Variants in OSBPL6 observed in about 807,000 individuals in gnomAD.
OSBPL6 encodes oxysterol-binding protein-related protein 6.
A neutral mutation model predicts 125.8 loss-of-function variants in OSBPL6; 49 were observed. The observed-to-expected ratio is 0.39, with a 90% CI of 0.31 to 0.49. OSBPL6 has a LOEUF of 0.49. OSBPL6 is among the 20% of genes least tolerant of loss of function. OSBPL6 has a pLI of 0.88. For synonymous variants in OSBPL6, 394 were observed against 391.8 expected (o/e 1.01, Z -0.07); for missense variants, 986 against 1,135.4 (o/e 0.87, Z 1.89).
intron 3 of OSBPL6, among the ~76,000 whole-genome samples, chr2:178,316,399 A>G (rs1415882910): frequency 6.6e-6 from 1 of 152,260 alleles, no homozygotes. Context: ...TAAAAAAATT[A>G]GAAACAGTCT....
At chr2:178,394,170 G>T in intron 23 of OSBPL6, 143 bp from the exon 24 acceptor site, 3 of 1,029,862 alleles carry the variant, frequency 2.9e-6, no homozygotes, top group South Asian at 2.9e-5. Flanking sequence ...CTGCACTCCA[G>T]CCTGGCGACA....
chr2:178,277,475 A>G (rs1428217586), intron 1 of OSBPL6, among the ~76,000 whole-genome samples: 7 of 152,204 alleles, frequency 4.6e-5, no homozygotes, highest in Admixed American at 4.6e-4. Flanking sequence ...CACTTTCCCT[A>G]CCCTCAGAGA....
In OSBPL6 at chr2:178,276,624, C is replaced by T. The variant is rs920590035; in HGVS notation, c.-350-8303C>T. On this transcript the variant is annotated intron_variant, in intron 1 of 24. Coordinates refer to ENST00000190611, the MANE Select transcript of OSBPL6 (RefSeq NM_032523.4). ...CTGACCTCAAGTGATCCATCCACGT[C>T]GGCCTCCCAAAGTGCTGGGATTACA... is the stretch of plus-strand genomic sequence containing the variant. 7.2e-5 allele frequency among the ~76,000 whole-genome samples: 11 copies of T among 152,110 alleles called. No homozygotes were observed. In the East Asian group the frequency reaches 1.9e-3, roughly 27 times the overall value.
intron 1 of OSBPL6, among the ~76,000 whole-genome samples, chr2:178,272,526 A>G (rs568852960): frequency 2.0e-4 from 31 of 152,306 alleles, no homozygotes; most frequent in Non-Finnish European, 2.8e-4. Flanking sequence ...ATTTGGAAGT[A>G]TATTATCAGT....
At chr2:178,385,865 G>A (rs1176398516) in intron 19 of OSBPL6, among the ~76,000 whole-genome samples, 1 of 152,198 alleles carries the variant, frequency 6.6e-6, no homozygotes, top group African/African-American at 2.4e-5. Flanking sequence ...TTCGGGGTGT[G>A]CAAAGACATT....
intron 12 of OSBPL6, among the ~76,000 whole-genome samples, chr2:178,352,746 G>T (rs546912965): frequency 6.6e-6 from 1 of 152,218 alleles, no homozygotes; most frequent in African/African-American, 2.4e-5. Flanking sequence ...GGTTCTCCCA[G>T]CATGGCATCT....
chr2:178,359,030 G>A (rs1019607959), intron 12 of OSBPL6, among the ~76,000 whole-genome samples: 26 of 152,040 alleles, frequency 1.7e-4, no homozygotes, highest in Non-Finnish European at 7.4e-5. Context: ...AAAAAAATTA[G>A]CCAGGCATGT....
At chr2:178,358,158 G>A in intron 12 of OSBPL6, among the ~76,000 whole-genome samples, 1 of 152,102 alleles carries the variant, frequency 6.6e-6, no homozygotes, top group Non-Finnish European at 1.5e-5. Flanking sequence ...GTGCAGCAAA[G>A]CAACATGGCA....
intron 1 of OSBPL6, among the ~76,000 whole-genome samples, chr2:178,218,455 T>C (rs970949386): frequency 6.6e-5 from 10 of 151,824 alleles, no homozygotes; most frequent in Non-Finnish European, 1.5e-4. Context: ...GGTAAGCTAT[T>C]CTTGACAAAA....
chr2:178,285,123 T>C lies in OSBPL6; in HGVS notation c.-156+2T>C, dbSNP rs1478796711. The C allele has an allele frequency of 2.5e-6, 1 of 398,300 alleles. No homozygotes were observed. 24.7% of individuals were successfully genotyped at this position (398,300 alleles called of 1,614,324 possible). The stretch of plus-strand genomic sequence containing the variant: ...AAGACTTTGACTCCAAGGTGCAAGG[T>C]GAGTTAGAAGAACACAAGCTTAAAA... On this transcript the variant is annotated splice_donor_variant, in intron 2 of 24. Transcript: ENST00000190611. LOFTEE classifies it low-confidence loss of function (5UTR_SPLICE).
chr2:178,262,105 A>T (rs575048217), intron 1 of OSBPL6, among the ~76,000 whole-genome samples: 128 of 152,306 alleles, frequency 8.4e-4, no homozygotes, highest in African/African-American at 2.8e-3. Context: ...CACAGAGTTT[A>T]TATCTAAGGC....
chr2:178,279,778 T>G (rs540915629), intron 1 of OSBPL6, among the ~76,000 whole-genome samples: 2 of 152,352 alleles, frequency 1.3e-5, no homozygotes, highest in South Asian at 4.1e-4. Flanking sequence ...CTTTAAGGAT[T>G]AATCTTCAAT....
At chr2:178,388,662 A>G (rs1339417533) in intron 20 of OSBPL6, among the ~76,000 whole-genome samples, 1 of 152,206 alleles carries the variant, frequency 6.6e-6, no homozygotes, top group Admixed American at 6.5e-5. Flanking sequence ...TTCCAGGTAG[A>G]TTGAAGGACT....
chr2:178,235,355 C>CTT (rs756549347), intron 1 of OSBPL6, among the ~76,000 whole-genome samples: 2 of 95,278 alleles, frequency 2.1e-5, no homozygotes, highest in African/African-American at 6.5e-5. Context: ...TATACAATTT[C>CTT]TTTTTTTTTT....
intron 13 of OSBPL6, among the ~76,000 whole-genome samples, chr2:178,369,823 C>T (rs1693211167): frequency 6.6e-6 from 1 of 152,168 alleles, no homozygotes; most frequent in African/African-American, 2.4e-5. Flanking sequence ...CTATCTTTAA[C>T]ATTCCCACCC....
intron 1 of OSBPL6, among the ~76,000 whole-genome samples, chr2:178,252,987 C>A (rs2154005195): frequency 6.6e-6 from 1 of 152,150 alleles, no homozygotes; most frequent in East Asian, 1.9e-4. Flanking sequence ...TAGACAGAAT[C>A]TATAGAAGGA....
At chr2:178,323,053 G>A (rs112092543) in intron 3 of OSBPL6, among the ~76,000 whole-genome samples, 1,868 of 152,214 alleles carry the variant, frequency 0.012, 46 homozygotes, top group African/African-American at 0.043. Context: ...TGCCAAGATA[G>A]TGAAGTATTC....
Position 178,387,052 on chromosome 2 carries a change from G to A in OSBPL6, c.2078-9G>A, listed in dbSNP as rs3731758. 0.026 allele frequency: 40,525 copies of A among 1,578,214 alleles called. 908 individuals carry two copies. Among genetic ancestry groups the A allele is most frequent in the East Asian group, 0.14 (6,316 of 44,530 alleles). On this transcript the variant is annotated splice_polypyrimidine_tract_variant and intron_variant, in intron 19 of 24. Transcript: ENST00000190611. ...TATGTATTTCTTGTCCTCTCCCTAT[G>A]TCATTTAGATATCAGATGGAAAAAC...
At chr2:178,344,636 C>G (rs1435411507) in intron 11 of OSBPL6, among the ~76,000 whole-genome samples, 1 of 151,534 alleles carries the variant, frequency 6.6e-6, no homozygotes, top group African/African-American at 2.4e-5. Context: ...AGTACAGTGC[C>G]CCATGATGTG....
Sources: allele counts gnomAD v4.1 joint callset (sites outside exome capture counted in the v4.1 genomes callset), GRCh38; gene constraint gnomAD v4.1.1; transcripts MANE v1.5; gene names NCBI Gene and HGNC (gene_info 2026-07-23, HGNC 2026-07-21).